CD226: variants seen among roughly 807,000 people sequenced by gnomAD.
CD226 encodes CD226 molecule.
In CD226, 24 loss-of-function variants were observed where a neutral mutation model predicts 34.9. That is an observed-to-expected ratio of 0.69 (90% CI 0.50 to 0.97). The LOEUF is 0.97. Ranked by LOEUF, CD226 falls within the 50% of genes least tolerant of loss-of-function variation. The pLI is 0.00. For synonymous variants in CD226, 148 were observed against 147.4 expected, an observed-to-expected ratio of 1.00 and a Z score of -0.03; for missense variants, 397 against 412.7, an observed-to-expected ratio of 0.96 and a Z score of 0.33.
chr18:69,898,228 G>A (rs2145252348), intron 2 of CD226, among the ~76,000 whole-genome samples: 1 of 152,240 alleles, frequency 6.6e-6, no homozygotes, highest in South Asian at 2.1e-4. Flanking sequence ...AGGAGAAATC[G>A]ACTTTCATGT....
chr18:69,955,858 A>C (rs2055892706), intron 1 of CD226, among the ~76,000 whole-genome samples: 1 of 53,460 alleles, frequency 1.9e-5, no homozygotes, highest in African/African-American at 4.6e-5. Flanking sequence ...GCGAGACTCC[A>C]TCTCAAAAAA....
intron 2 of CD226, among the ~76,000 whole-genome samples, chr18:69,923,081 C>T (rs1265524410): frequency 1.3e-5 from 2 of 151,642 alleles, no homozygotes; most frequent in Non-Finnish European, 2.9e-5. Flanking sequence ...TGCAGTGATC[C>T]GAGATTGCGC....
upstream of CD226, among the ~76,000 whole-genome samples, chr18:69,958,788 A>AACACACACAC (rs59835947): frequency 0.015 from 2,102 of 143,760 alleles, 51 homozygotes; most frequent in African/African-American, 0.049. Context: ...TTCACAGGCA[A>AACACACACAC]ACACACACAC....
chr18:69,923,187 A>AAAGG (rs370867288), intron 2 of CD226, among the ~76,000 whole-genome samples: 7,221 of 150,718 alleles, frequency 0.048, 227 homozygotes, highest in African/African-American at 0.081. Context: ...AGAAAGAAAG[A>AAAGG]AAGGAAGGAA....
intron 5 of CD226, among the ~76,000 whole-genome samples, chr18:69,864,990 C>T (rs997220559): frequency 6.6e-6 from 1 of 151,866 alleles, no homozygotes; most frequent in Admixed American, 6.6e-5. Flanking sequence ...TTAGATTGAC[C>T]TTAGTGTTGT....
intron 2 of CD226, among the ~76,000 whole-genome samples, chr18:69,902,437 G>T (rs924726399): frequency 6.6e-6 from 1 of 151,868 alleles, no homozygotes; most frequent in African/African-American, 2.4e-5. Context: ...CTGAATGCTG[G>T]ATGTCCAGCC....
At chr18:69,961,765 G>A (rs1250619135), upstream of CD226, 1 of 152,278 alleles carries the variant, frequency 6.6e-6, no homozygotes. Context: ...TCAGGCCCGG[G>A]TAAGTGCTAA....
At chr18:69,884,303 C>A (rs941389235) in intron 3 of CD226, among the ~76,000 whole-genome samples, 1 of 152,128 alleles carries the variant, frequency 6.6e-6, no homozygotes, top group African/African-American at 2.4e-5. Flanking sequence ...GCAAGCATAC[C>A]AGATGATCCT....
chr18:69,953,944 G>C (rs1211989913), intron 1 of CD226, among the ~76,000 whole-genome samples: 2 of 150,658 alleles, frequency 1.3e-5, no homozygotes, highest in Non-Finnish European at 2.9e-5. Flanking sequence ...AGGTTGCAGT[G>C]AGCTGAGATT....
chr18:69,879,870 C>T (rs192396834), intron 3 of CD226, among the ~76,000 whole-genome samples: 1 of 152,298 alleles, frequency 6.6e-6, no homozygotes. Context: ...CAGATGACAG[C>T]TGGTAATACA....
chr18:69,871,257 G>A lies in CD226; in HGVS notation c.830+1887C>T, dbSNP rs138772770. 1.1e-3 allele frequency among the ~76,000 whole-genome samples: 165 copies of A among 152,292 alleles called. 1 individual carries two copies. The highest frequency in any genetic ancestry group is 3.5e-3 in the African/African-American group (147 of 41,562). ...CCAAGGTGAAAAAGTGGAAGAGTCC[G>A]TGGTGCTACTAACACCTCGGTTCCT... is the stretch of plus-strand genomic sequence containing the variant. On this transcript the variant is annotated intron_variant, in intron 4 of 5. Transcript: ENST00000582621.
intron 5 of CD226, among the ~76,000 whole-genome samples, chr18:69,865,545 G>A (rs1432282185): frequency 6.6e-6 from 1 of 151,814 alleles, no homozygotes; most frequent in Non-Finnish European, 1.5e-5. Flanking sequence ...ACTGGCATGA[G>A]TAGACAAAGG....
At chr18:69,928,405 C>T (rs1299628014) in intron 2 of CD226, among the ~76,000 whole-genome samples, 1 of 152,020 alleles carries the variant, frequency 6.6e-6, no homozygotes, top group Non-Finnish European at 1.5e-5. Flanking sequence ...TCATTCAGGA[C>T]AGGAGGCGGT....
At chr18:69,929,964 G>A (rs1346931713) in intron 2 of CD226, among the ~76,000 whole-genome samples, 1 of 152,088 alleles carries the variant, frequency 6.6e-6, no homozygotes, top group Non-Finnish European at 1.5e-5. Flanking sequence ...CAGGCTGCAT[G>A]CCATCTCTGG....
chr18:69,856,826 T>C lies in CD226; in HGVS notation c.*7488A>G, dbSNP rs1004882932. 1.3e-5 allele frequency: 2 copies of C among 152,064 alleles called. No individual in the cohort carries two copies. Among genetic ancestry groups the C allele is most frequent in the Non-Finnish European group, 2.9e-5 (2 of 68,000 alleles). 9.4% of individuals were successfully genotyped at this position (152,064 alleles called of 1,614,324 possible). On this transcript the variant is annotated 3_prime_UTR_variant, in exon 6 of 6. Coordinates refer to ENST00000582621, the MANE Select transcript of CD226 (RefSeq NM_001303618.2). ...AAATTTATAGCATTAAGTGCCACTA[T>C]TGGAAAAGAAAACAACATATAAAAT...
At chr18:69,924,273 G>A (rs1403021086) in intron 2 of CD226, among the ~76,000 whole-genome samples, 2 of 152,088 alleles carry the variant, frequency 1.3e-5, no homozygotes, top group African/African-American at 4.8e-5. Context: ...CACTACATTT[G>A]TACTACACAT....
At chr18:69,949,903 T>C (rs2055834647), upstream of CD226, among the ~76,000 whole-genome samples, 1 of 151,748 alleles carries the variant, frequency 6.6e-6, no homozygotes, top group South Asian at 2.1e-4. Context: ...CTCAATCACA[T>C]GCATGTGCAC....
upstream of CD226, among the ~76,000 whole-genome samples, chr18:69,960,729 C>T (rs543767315): frequency 2.4e-4 from 36 of 152,320 alleles, no homozygotes; most frequent in Non-Finnish European, 5.9e-5. Flanking sequence ...GAATTACAGG[C>T]ATGAGCCACT....
chr18:69,893,676 G>C (rs1380169678), intron 3 of CD226, among the ~76,000 whole-genome samples: 1 of 152,184 alleles, frequency 6.6e-6, no homozygotes, highest in African/African-American at 2.4e-5. Context: ...TGAAGGAACA[G>C]AGTCAACATT....
Sources: gnomAD v4.1 joint callset for allele counts (sites outside exome capture counted in the v4.1 genomes callset) on GRCh38, gnomAD v4.1.1 for gene constraint, MANE v1.5 for transcripts, NCBI Gene and HGNC (gene_info 2026-07-23, HGNC 2026-07-21) for gene names.